VPS13D: variants seen among roughly 807,000 people sequenced by gnomAD.
VPS13D encodes vacuolar protein sorting 13 homolog D.
Under a neutral mutation model 461.9 loss-of-function variants are expected in VPS13D, and 187 were observed. The ratio of observed to expected loss-of-function variants is 0.40; its 90% CI spans 0.36 to 0.46. VPS13D has a LOEUF of 0.46. Among genes scored for constraint, VPS13D ranks in the 20% least tolerant of loss-of-function variants. The pLI is 0.60. For synonymous variants in VPS13D, 1,951 were observed against 1,986.3 expected (o/e 0.98, Z 0.47); for missense variants, 4,711 against 5,364.9 (o/e 0.88, Z 3.81).
intron 5 of VPS13D, among the ~76,000 whole-genome samples, chr1:12,247,511 CCCAAAAAA>C (rs1010992855): frequency 7.3e-5 from 11 of 150,790 alleles, no homozygotes; most frequent in African/African-American, 2.4e-4. Flanking sequence ...CCAAAAAAAA[CCCAAAAAA>C]AACAAAAACA....
intron 26 of VPS13D, among the ~76,000 whole-genome samples, 191 bp downstream of exon 26, chr1:12,304,919 C>T (rs962664691): frequency 6.6e-6 from 1 of 151,692 alleles, no homozygotes; most frequent in Non-Finnish European, 1.5e-5. Context: ...CATTGGATGA[C>T]TTGTAAAGTA....
At chr1:12,254,211 T>C (rs1434741929) in intron 7 of VPS13D, among the ~76,000 whole-genome samples, 1 of 152,206 alleles carries the variant, frequency 6.6e-6, no homozygotes, top group Non-Finnish European at 1.5e-5. Flanking sequence ...ATCATTTATT[T>C]ATTTATTTTT....
chr1:12,272,886 C>T, intron 17 of VPS13D, 117 bp from the exon 18 acceptor site: 2 of 1,409,538 alleles, frequency 1.4e-6, no homozygotes, highest in Non-Finnish European at 1.9e-6. Context: ...TGCTGTAATA[C>T]ATTAGATCAC....
chr1:12,507,320 C>G lies in VPS13D; in HGVS notation c.13035+227C>G, dbSNP rs764551785. On this transcript the variant is annotated intron_variant, in intron 69 of 69. Transcript: ENST00000620676. The surrounding 1 kb of genome is among the most constrained non-coding windows in gnomAD (Gnocchi z 5.3). ...GTGACCCTGGGAACATTAACTGCCT[C>G]ACAACGTTTGTGCCTCAGTTACCCG... 2.6e-6 allele frequency: 2 copies of G among 783,472 alleles called. No individual in the cohort carries two copies. Among genetic ancestry groups the G allele is most frequent in the South Asian group, 2.7e-5 (2 of 74,408 alleles). 48.5% of individuals were successfully genotyped at this position (783,472 alleles called of 1,614,324 possible). A position where few individuals can be genotyped will look rare whatever the true frequency, so the allele number is the denominator to read the frequency against.
At chr1:12,290,977 T>G (rs756633673) in intron 22 of VPS13D, 21 bp from the exon 23 acceptor site, 1 of 1,596,594 alleles carries the variant, frequency 6.3e-7, no homozygotes. Flanking sequence ...TAGTAATGTG[T>G]TCTAACTTTA....
At position 12,250,282 on chromosome 1, in the gene VPS13D, T is replaced by C. The variant is rs543626556; in HGVS notation, c.564+943T>C. Among the ~76,000 whole-genome samples the C allele has an allele frequency of 2.6e-5, 4 of 152,292 alleles. No homozygotes were observed. The East Asian group carries it at 7.7e-4, about 29-fold the overall frequency. ...GGTGCTGAAAGGCCCAACCCTCTAA[T>C]TACTTGATCTTTCTGTGATGAGCCC... is the stretch of plus-strand genomic sequence containing the variant. On this transcript the variant is annotated intron_variant, in intron 6 of 69. Coordinates refer to ENST00000620676, the MANE Select transcript of VPS13D (RefSeq NM_015378.4).
At chr1:12,343,727 A>G (rs1643617947) in intron 42 of VPS13D, among the ~76,000 whole-genome samples, 1 of 152,186 alleles carries the variant, frequency 6.6e-6, no homozygotes, top group African/African-American at 2.4e-5. Flanking sequence ...ATGTCTTTTC[A>G]TTAACTATCC....
chr1:12,415,282 T>G, intron 64 of VPS13D, 61 bp downstream of exon 64: 1 of 1,607,942 alleles, frequency 6.2e-7, no homozygotes, highest in Admixed American at 1.7e-5. Context: ...TTTAGTTGTT[T>G]GGGAATTTTG....
At chr1:12,449,488 A>C (rs1330043582) in intron 65 of VPS13D, among the ~76,000 whole-genome samples, 6 of 151,994 alleles carry the variant, frequency 3.9e-5, no homozygotes, top group Non-Finnish European at 7.4e-5. Flanking sequence ...TTTTATCAAC[A>C]ATAGATATTC....
chr1:12,311,144 G>A (rs1642737384), intron 27 of VPS13D, among the ~76,000 whole-genome samples: 1 of 152,018 alleles, frequency 6.6e-6, no homozygotes, highest in South Asian at 2.1e-4. Flanking sequence ...TCGAACTCCT[G>A]GGCTCAAGTG....
rs778524264 is a variant in VPS13D at position 12,244,413 on chromosome 1, C to A, written c.343C>A (p.Gln115Lys). The A allele has an allele frequency of 1.9e-6, 3 of 1,614,154 alleles. No homozygotes were observed. Among genetic ancestry groups the A allele is most frequent in the Admixed American group, 1.7e-5 (1 of 60,024 alleles). Residue 115 changes from glutamine to lysine, a missense_variant, in exon 4 of 70, where the codon CAA becomes AAA. Physicochemically the swap from Gln to Lys is moderately conservative, Grantham distance 53. Transcript: ENST00000620676. ...LERERKKALL[Q>K]ALEEKWKNDR... ...AAGGGAACGTAAGAAAGCACTACTT[C>A]AAGCCCTGGAGGAGAAATGGAAGGC...
Position 12,510,567 on chromosome 1 carries a change from G to GTGCA in VPS13D, c.*1548_*1551dup, listed in dbSNP as rs144446133. 2 of 146,720 alleles carry GTGCA rather than the reference G, an allele frequency of 1.4e-5. No individual in the cohort carries two copies. Among genetic ancestry groups the GTGCA allele is most frequent in the Non-Finnish European group, 2.9e-5 (2 of 67,858 alleles). 9.1% of individuals were successfully genotyped at this position (146,720 alleles called of 1,614,324 possible). On this transcript the variant is annotated 3_prime_UTR_variant, in exon 70 of 70. Transcript: ENST00000620676. Reference sequence around the variant, plus strand: ...TGTGTGTGTGTGTGCGCGCGCGCGCGTGCATGCAGAGAGGAAGGAAGGGAG... The same window carrying GTGCA: ...TGTGTGTGTGTGTGCGCGCGCGCGCGTGCATGCATGCAGAGAGGAAGGAAGGGAG...
intron 19 of VPS13D, among the ~76,000 whole-genome samples, 198 bp downstream of exon 19, chr1:12,278,236 A>G (rs552345348): frequency 2.6e-5 from 4 of 152,230 alleles, no homozygotes; most frequent in African/African-American, 4.8e-5. Flanking sequence ...TTAATGTCAT[A>G]TTTGACAAAA....
chr1:12,345,220 G>T (rs1375503353), intron 42 of VPS13D, among the ~76,000 whole-genome samples, 154 bp from the exon 43 acceptor site: 2 of 152,196 alleles, frequency 1.3e-5, no homozygotes, highest in Non-Finnish European at 2.9e-5. Flanking sequence ...GTTAAACTGT[G>T]CTCCTGATTT....
intron 67 of VPS13D, among the ~76,000 whole-genome samples, chr1:12,475,888 TA>T (rs371308041): frequency 0.037 from 5,256 of 141,702 alleles, 173 homozygotes; most frequent in Admixed American, 0.11. Context: ...AATCAATGTT[TA>T]AAAAAAAAAA....
At chr1:12,354,271 A>AT in intron 47 of VPS13D, 50 bp downstream of exon 47, 1 of 1,598,494 alleles carries the variant, frequency 6.3e-7, no homozygotes, top group Non-Finnish European at 8.5e-7. Flanking sequence ...GAAAATATCA[A>AT]TGAGTATTTT....
chr1:12,500,297 G>A, intron 68 of VPS13D: 2 of 891,712 alleles, frequency 2.2e-6, no homozygotes. Flanking sequence ...TTGCACAATT[G>A]TCATTGCTTC....
At chr1:12,379,807 C>T (rs551848774) in intron 57 of VPS13D, among the ~76,000 whole-genome samples, 6 of 148,936 alleles carry the variant, frequency 4.0e-5, no homozygotes, top group South Asian at 4.2e-4. Flanking sequence ...CTTGCTCTGT[C>T]GCTCAGGCTG....
chr1:12,380,368 A>G (rs926447143), intron 57 of VPS13D, among the ~76,000 whole-genome samples: 1 of 152,218 alleles, frequency 6.6e-6, no homozygotes, highest in Admixed American at 6.5e-5. Context: ...TGACATGGTG[A>G]GCATTCGCCA....
Sources: allele counts gnomAD v4.1 joint callset (sites outside exome capture counted in the v4.1 genomes callset), GRCh38; gene constraint gnomAD v4.1.1; non-coding constraint Gnocchi (gnomAD v3.1); transcripts MANE v1.5; gene names NCBI Gene and HGNC (gene_info 2026-07-23, HGNC 2026-07-21).